CD276: variants seen among roughly 807,000 people sequenced by gnomAD.
CD276 encodes the protein CD276 antigen.
Under a neutral mutation model 50.0 loss-of-function variants are expected in CD276, and 34 were observed. That is an observed-to-expected ratio of 0.68 (90% CI 0.52 to 0.91). The LOEUF (loss-of-function observed/expected upper bound fraction) is 0.91. Ranked by LOEUF, CD276 falls within the 40% of genes least tolerant of loss-of-function variation. The pLI is 0.00. For synonymous variants in CD276, 275 were observed against 313.0 expected, an observed-to-expected ratio of 0.88 and a Z score of 1.28; for missense variants, 634 against 717.5, an observed-to-expected ratio of 0.88 and a Z score of 1.33.
At chr15:73,699,374 C>A (rs1900287993) in intron 1 of CD276, among the ~76,000 whole-genome samples, 1 of 152,192 alleles carries the variant, frequency 6.6e-6, no homozygotes, top group Non-Finnish European at 1.5e-5. Context: ...CCAGCTGCCC[C>A]CTACCCCATC....
intron 1 of CD276, among the ~76,000 whole-genome samples, chr15:73,689,360 G>A (rs11072430): frequency 0.54 from 82,027 of 151,834 alleles, 22,349 homozygotes; most frequent in East Asian, 0.58. Context: ...CACAGAAATC[G>A]CTTGGAGAGG....
chr15:73,689,193 TGTGTGTGTGTGTGTG>T (rs1567012311), intron 1 of CD276, among the ~76,000 whole-genome samples: 1 of 128,760 alleles, frequency 7.8e-6, no homozygotes, highest in African/African-American at 3.0e-5. Context: ...GCCTCCTGTG[TGTGTGTGTGTGTGTG>T]TGTGTGTGTG....
At chr15:73,712,536 G>A (rs1369870242) in intron 9 of CD276, among the ~76,000 whole-genome samples, 1 of 152,266 alleles carries the variant, frequency 6.6e-6, no homozygotes, top group Non-Finnish European at 1.5e-5. Flanking sequence ...GGAAACCAGT[G>A]TGGAGGGGAC....
rs1900586617 is a variant in CD276, at chr15:73,704,899, C to T, written c.1369+427C>T. On this transcript the variant is annotated intron_variant, in intron 6 of 9. Transcript: ENST00000318443. The surrounding 1 kb of genome is among the most constrained non-coding windows in gnomAD (Gnocchi z 4.1). Reference sequence around the variant, plus strand: ...TGACAGCTGGCCCTCCCTAGTTAGTCCCCAACACCTGAGTCAACGTCAGCT... The same window carrying T: ...TGACAGCTGGCCCTCCCTAGTTAGTTCCCAACACCTGAGTCAACGTCAGCT... Among the ~76,000 whole-genome samples, 1 of 152,180 alleles carries T rather than the reference C, an allele frequency of 6.6e-6. No individual in the cohort carries two copies. The highest frequency in any genetic ancestry group is 2.1e-4 in the South Asian group (1 of 4,822).
In CD276 at chr15:73,696,012, T is replaced by A. The variant is rs374284608; in HGVS notation, c.-54-3574T>A. On this transcript the variant is annotated intron_variant, in intron 1 of 9. Coordinates refer to ENST00000318443, the MANE Select transcript of CD276 (RefSeq NM_001024736.2). ...TTTGTTGTAGCTTTCTGAGGGCACATCTTGGGTCATCTCTTGGGAGCCTCC... is the reference window on the plus strand; with the variant it reads ...TTTGTTGTAGCTTTCTGAGGGCACAACTTGGGTCATCTCTTGGGAGCCTCC... 1.7e-4 allele frequency among the ~76,000 whole-genome samples: 26 copies of A among 152,332 alleles called. No individual in the cohort carries two copies. The East Asian group carries it at 3.5e-3, about 20-fold the overall frequency.
At chr15:73,697,391 T>G (rs1252644866) in intron 1 of CD276, among the ~76,000 whole-genome samples, 1 of 150,602 alleles carries the variant, frequency 6.6e-6, no homozygotes, top group Non-Finnish European at 1.5e-5. Flanking sequence ...GGGGCGGGTG[T>G]GCCTGGCTGG....
intron 9 of CD276, among the ~76,000 whole-genome samples, chr15:73,712,706 G>A (rs1012437121): frequency 1.5e-4 from 23 of 152,266 alleles, no homozygotes; most frequent in African/African-American, 5.1e-4. Context: ...AGGGGGCTGC[G>A]TGAGGTGGTC....
At chr15:73,690,594 A>G (rs1234051841) in intron 1 of CD276, 1 of 435,882 alleles carries the variant, frequency 2.3e-6, no homozygotes, top group Non-Finnish European at 4.6e-6. Flanking sequence ...TACAGACAGT[A>G]TGGGGGCAGC....
chr15:73,699,551 T>G (rs759769924), intron 1 of CD276, 35 bp from the exon 2 acceptor site: 3 of 1,554,572 alleles, frequency 1.9e-6, no homozygotes, highest in Non-Finnish European at 2.6e-6. Flanking sequence ...GGGAGAACCT[T>G]TGGAGACAAA....
chr15:73,712,859 A>G (rs1900963067), intron 9 of CD276, 75 bp from the exon 10 acceptor site: 4 of 1,513,144 alleles, frequency 2.6e-6, no homozygotes, highest in Non-Finnish European at 3.6e-6. Context: ...GGCTTCTGGC[A>G]TAATCCCAAA....
In CD276 at chr15:73,703,741, C is replaced by T. The variant is rs545618183; in HGVS notation, c.816C>T (p.Pro272=). 102 of 1,613,504 alleles carry T rather than the reference C, an allele frequency of 6.3e-5. No individual in the cohort carries two copies. The highest frequency in any genetic ancestry group is 1.6e-4 in the Middle Eastern group (1 of 6,062). Residue 272 remains proline (P), a synonymous_variant, in exon 5 of 10, where the codon CCC becomes CCT. Transcript: ENST00000318443. Reference sequence around the variant, plus strand: ...CCACCCTGCGCTGCTCCTTCTCCCCCGAGCCTGGCTTCAGCCTGGCACAGC... The same window carrying T: ...CCACCCTGCGCTGCTCCTTCTCCCCTGAGCCTGGCTTCAGCCTGGCACAGC... ...TDATLRCSFS[P]EPGFSLAQLN...
rs1281446179 is a variant in CD276, at chr15:73,702,594, G to A, written c.418+1G>A. The A allele has an allele frequency of 1.9e-6, 3 of 1,604,494 alleles. No individual in the cohort carries two copies. Among genetic ancestry groups the A allele is most frequent in the Non-Finnish European group, 2.6e-6 (3 of 1,176,428 alleles). On this transcript the variant is annotated splice_donor_variant, in intron 3 of 9. Transcript: ENST00000318443. LOFTEE classifies it high-confidence loss of function. ...GCTGCCGTCAGCCTGCAGGTGGCCGGTGAGCACCAGGAGGGGGACGCCTTC... is the reference window on the plus strand; with the variant it reads ...GCTGCCGTCAGCCTGCAGGTGGCCGATGAGCACCAGGAGGGGGACGCCTTC...
At chr15:73,690,059 T>C (rs1229055368) in intron 1 of CD276, among the ~76,000 whole-genome samples, 1 of 152,216 alleles carries the variant, frequency 6.6e-6, no homozygotes, top group Non-Finnish European at 1.5e-5. Context: ...CTCACCCTTA[T>C]TCTGACACTC....
chr15:73,698,538 A>G (rs1190266683), intron 1 of CD276, among the ~76,000 whole-genome samples: 2 of 152,044 alleles, frequency 1.3e-5, no homozygotes, highest in African/African-American at 4.8e-5. Context: ...ACCTTCCTAC[A>G]GGGATGGCTA....
At chr15:73,694,715 CT>C (rs1167172240) in intron 1 of CD276, among the ~76,000 whole-genome samples, 1 of 152,216 alleles carries the variant, frequency 6.6e-6, no homozygotes, top group East Asian at 1.9e-4. Context: ...ATGCTTCTCT[CT>C]TTCAGGGCAT....
At chr15:73,703,539 G>T in intron 4 of CD276, 120 bp from the exon 5 acceptor site, 1 of 825,652 alleles carries the variant, frequency 1.2e-6, no homozygotes, top group Non-Finnish European at 1.8e-6. Flanking sequence ...CATCTAAGAA[G>T]AAAATAGGAA....
intron 1 of CD276, among the ~76,000 whole-genome samples, chr15:73,690,102 C>A (rs932570500): frequency 3.9e-5 from 6 of 152,260 alleles, no homozygotes; most frequent in Non-Finnish European, 8.8e-5. Flanking sequence ...CATCCAGATC[C>A]TTTCCCCATA....
rs567165528 is a variant in CD276, at chr15:73,702,156, G to A, written c.80-99G>A. 9 of 951,178 alleles carry A rather than the reference G, an allele frequency of 9.5e-6. No individual in the cohort carries two copies. In the East Asian group the frequency reaches 1.9e-4, roughly 20 times the overall value. The allele number at this position is 951,178 out of a possible 1,614,324, so 58.9% of individuals were successfully genotyped here. ...TTGGGTCTCAGGCCTAAAAGGAGGG[G>A]TGGACAGGGCCTGGGGTTAGCAGGG... On this transcript the variant is annotated intron_variant, in intron 2 of 9. Transcript: ENST00000318443.
chr15:73,710,345 CA>C (rs1403271442), intron 8 of CD276, among the ~76,000 whole-genome samples: 1 of 152,240 alleles, frequency 6.6e-6, no homozygotes, highest in Non-Finnish European at 1.5e-5. Context: ...GCCCTGATGG[CA>C]CCAGAGGGCT....
Sources: gnomAD v4.1 joint callset for allele counts (sites outside exome capture counted in the v4.1 genomes callset) on GRCh38, gnomAD v4.1.1 for gene constraint, Gnocchi (gnomAD v3.1) non-coding constraint, MANE v1.5 for transcripts, NCBI Gene and HGNC (gene_info 2026-07-23, HGNC 2026-07-21) for gene names.